ZSWIM4: variants seen among roughly 807,000 people sequenced by gnomAD.
ZSWIM4 encodes the protein zinc finger SWIM domain-containing protein 4.
Under a neutral mutation model 102.5 loss-of-function variants are expected in ZSWIM4, and 62 were observed. The ratio of observed to expected loss-of-function variants is 0.60; its 90% confidence interval spans 0.49 to 0.75. The LOEUF (loss-of-function observed/expected upper bound fraction) is 0.75. Ranked by LOEUF, ZSWIM4 falls within the 30% of genes least tolerant of loss-of-function variation. The probability of loss-of-function intolerance (pLI) is 0.00; values close to 1 mark genes in which losing one functional copy is unlikely to be tolerated. For missense variants in ZSWIM4, 1,280 were observed against 1,529.6 expected (o/e 0.84, Z 2.72); for synonymous variants, 652 against 674.5 (o/e 0.97, Z 0.52).
chr19:13,807,520 TAAATGGATGAATGAAC>T lies in ZSWIM4; in HGVS notation c.713-1301_713-1286del, dbSNP rs537491128. ...TAGATGAATGGATTGGATGGGTAAG[TAAATGGATGAATGAAC>T]AAATGGATGAATGAGCTCCTGGTGT... On this transcript the variant is annotated intron_variant, in intron 3 of 13. Coordinates refer to ENST00000590508, the MANE Select transcript of ZSWIM4 (RefSeq NM_001367834.3). Among the ~76,000 whole-genome samples the T allele has an allele frequency of 5.5e-3, 830 of 151,702 alleles. 3 individuals carry two copies. The highest frequency in any genetic ancestry group is 7.6e-3 in the Non-Finnish European group (514 of 67,876).
In ZSWIM4 at chr19:13,825,651, A is replaced by AC; in HGVS notation, c.2321dup (p.Val775GlyfsTer391). The AC allele has an allele frequency of 6.2e-7, 1 of 1,613,594 alleles. No homozygotes were observed. The highest frequency in any genetic ancestry group is 8.5e-7 in the Non-Finnish European group (1 of 1,179,994). On this transcript the variant is annotated frameshift_variant, in exon 12 of 14. Transcript: ENST00000590508. LOFTEE classifies it high-confidence loss of function. This position sits in a 1 kb window ranked among gnomAD's most constrained non-coding sequence, Gnocchi z 4.6. ...GGCGCAGGACGCCTGCAAGACAGCC[A>AC]CCCCGGTCAGCGCCCCACCAGACAC...
Position 13,823,360 on chromosome 19 carries a change from A to T in ZSWIM4, c.2075A>T (p.Glu692Val). Residue 692 changes from glutamate (E) to valine (V), a missense_variant, in exon 11 of 14, where the codon GAG becomes GTG. By Grantham distance (121) the Glu-to-Val change is moderately radical (BLOSUM62 -2). Transcript: ENST00000590508. ...ALRAMRLPIL[E>V]TAFPAGEPHP... ...CCCTTACCCAGGCTGCCCATACTGG[A>T]GACAGCATTTCCTGCTGGAGAACCT... 1 of 1,613,884 alleles carries T rather than the reference A, an allele frequency of 6.2e-7. No individual in the cohort carries two copies. Among genetic ancestry groups the T allele is most frequent in the Non-Finnish European group, 8.5e-7 (1 of 1,179,910 alleles).
At chr19:13,824,291 G>A (rs1421909692) in intron 11 of ZSWIM4, among the ~76,000 whole-genome samples, 1 of 152,204 alleles carries the variant, frequency 6.6e-6, no homozygotes, top group African/African-American at 2.4e-5. Context: ...GCTGGGCACG[G>A]TAGCTCATGC....
chr19:13,832,234 A>G lies in ZSWIM4; in HGVS notation c.*1184A>G, dbSNP rs1975789278. ...CCCTCAACCTCGTTTCCTCCGCAAAAAAAAAAAAAAAAAAAAAAAATGTCT... is the reference window on the plus strand; with the variant it reads ...CCCTCAACCTCGTTTCCTCCGCAAAGAAAAAAAAAAAAAAAAAAAATGTCT... On this transcript the variant is annotated 3_prime_UTR_variant, in exon 14 of 14. Transcript: ENST00000590508. The G allele has an allele frequency of 4.0e-5, 6 of 149,164 alleles. No individual in the cohort carries two copies. The South Asian group carries it at 1.1e-3, about 26-fold the overall frequency. 9.2% of individuals were successfully genotyped at this position (149,164 alleles called of 1,614,324 possible). A position where few individuals can be genotyped will look rare whatever the true frequency, so the allele number is the denominator to read the frequency against.
At chr19:13,806,819 T>C (rs1257570953) in intron 3 of ZSWIM4, among the ~76,000 whole-genome samples, 1 of 151,778 alleles carries the variant, frequency 6.6e-6, no homozygotes, top group African/African-American at 2.4e-5. Context: ...ATCCAATGGG[T>C]ACATGCATTG....
chr19:13,820,081 A>G (rs1031643544), intron 10 of ZSWIM4, among the ~76,000 whole-genome samples: 9 of 151,372 alleles, frequency 5.9e-5, no homozygotes, highest in African/African-American at 2.2e-4. Flanking sequence ...TGTATTTTTA[A>G]TAGAGACAGG....
At position 13,814,465 on chromosome 19, in the gene ZSWIM4, C is replaced by G. The variant is rs1433564672; in HGVS notation, c.1181-50C>G. 1.7e-5 allele frequency: 18 copies of G among 1,055,482 alleles called. No homozygotes were observed. In the East Asian group the frequency reaches 1.4e-3, roughly 83 times the overall value. 65.4% of individuals were successfully genotyped at this position (1,055,482 alleles called of 1,614,324 possible). A position where few individuals can be genotyped will look rare whatever the true frequency, so the allele number is the denominator to read the frequency against. ...GTGGGAAAAGCTGGACACGGCTCAACTGCTATAGGGACCCCCCCTCACTGA... is the reference window on the plus strand; with the variant it reads ...GTGGGAAAAGCTGGACACGGCTCAAGTGCTATAGGGACCCCCCCTCACTGA... On this transcript the variant is annotated intron_variant, in intron 6 of 13. Transcript: ENST00000590508.
chr19:13,817,714 T>TC lies in ZSWIM4; in HGVS notation c.1670-3dup. The TC allele has an allele frequency of 6.2e-7, 1 of 1,607,356 alleles. No individual in the cohort carries two copies. The highest frequency in any genetic ancestry group is 1.3e-5 in the African/African-American group (1 of 74,966). ...CGTCTCCAGCAGCCCTGGCCCTGTC[T>TC]CCCCCAGACTCAGGCCCCGAGAAGC... On this transcript the variant is annotated splice_polypyrimidine_tract_variant and splice_region_variant and intron_variant, in intron 8 of 13. Transcript: ENST00000590508.
chr19:13,820,911 A>C (rs1431084661), intron 10 of ZSWIM4, among the ~76,000 whole-genome samples: 1 of 146,392 alleles, frequency 6.8e-6, no homozygotes. Flanking sequence ...GCAATTTCCA[A>C]AAAAAAAAAA....
chr19:13,826,652 C>G (rs1422745036), intron 12 of ZSWIM4, among the ~76,000 whole-genome samples: 1 of 152,148 alleles, frequency 6.6e-6, no homozygotes, highest in Admixed American at 6.5e-5. Context: ...GTAATCCCAG[C>G]TACTCGGGAG....
In ZSWIM4 at chr19:13,808,971, C is replaced by G. The variant is rs767199789; in HGVS notation, c.848C>G (p.Ser283Cys). The G allele has an allele frequency of 6.2e-7, 1 of 1,611,038 alleles. No homozygotes were observed. Among genetic ancestry groups the G allele is most frequent in the South Asian group, 1.1e-5 (1 of 90,768 alleles). The change falls in exon 4 of 14, where the codon TCC becomes TGC. Residue 283 changes from serine to cysteine, a missense_variant. By Grantham distance (112) the Ser-to-Cys change is moderately radical (BLOSUM62 -1). Transcript: ENST00000590508. ...TACGGGGCCAGCCAGCAGCTGCGCT[C>G]CATGTTCAGCAAGGTGCCGTGCGGG... ...GYYGASQQLR[S>C]MFSKVREMLR...
intron 1 of ZSWIM4, among the ~76,000 whole-genome samples, chr19:13,798,549 G>A (rs768244333): frequency 6.6e-6 from 1 of 152,228 alleles, no homozygotes; most frequent in Non-Finnish European, 1.5e-5. Flanking sequence ...CAGCTAGGAG[G>A]ATCCAGGAGG....
At chr19:13,799,579 T>G in intron 1 of ZSWIM4, 141 bp from the exon 2 acceptor site, 1 of 836,734 alleles carries the variant, frequency 1.2e-6, no homozygotes, top group Non-Finnish European at 1.9e-6. Context: ...CCCGGCCAGT[T>G]TTTTTGTAAA....
chr19:13,831,233 C>A lies in ZSWIM4; in HGVS notation c.*183C>A. On this transcript the variant is annotated 3_prime_UTR_variant, in exon 14 of 14. Coordinates refer to ENST00000590508, the MANE Select transcript of ZSWIM4 (RefSeq NM_001367834.3). The stretch of plus-strand genomic sequence containing the variant: ...GCCTGGGAGTCTGTGAGCAAGTGTG[C>A]AAGACTCCAGAAGCAGAAGCCATAC... 1 of 753,498 alleles carries A rather than the reference C, an allele frequency of 1.3e-6. No homozygotes were observed. Among genetic ancestry groups the A allele is most frequent in the Non-Finnish European group, 2.0e-6 (1 of 490,958 alleles). The allele number at this position is 753,498 out of a possible 1,614,324, so 46.7% of individuals were successfully genotyped here. A position where few individuals can be genotyped will look rare whatever the true frequency, so the allele number is the denominator to read the frequency against.
intron 5 of ZSWIM4, among the ~76,000 whole-genome samples, chr19:13,810,983 G>A (rs1250738108): frequency 7.3e-5 from 9 of 122,802 alleles, no homozygotes; most frequent in South Asian, 2.7e-4. Context: ...GCACGATCTC[G>A]GCTCACTGCA....
intron 11 of ZSWIM4, 62 bp downstream of exon 11, chr19:13,823,562 C>T: frequency 6.6e-7 from 1 of 1,522,706 alleles, no homozygotes; most frequent in Non-Finnish European, 8.9e-7. Flanking sequence ...TTCTTCCTTC[C>T]CTCTTAACTT....
chr19:13,805,270 G>A lies in ZSWIM4; in HGVS notation c.712+122G>A, dbSNP rs183039713. 5.5e-5 allele frequency: 48 copies of A among 864,990 alleles called. No individual in the cohort carries two copies. In the East Asian group the frequency reaches 1.1e-3, roughly 19 times the overall value. 53.6% of individuals were successfully genotyped at this position (864,990 alleles called of 1,614,324 possible). A position where few individuals can be genotyped will look rare whatever the true frequency, so the allele number is the denominator to read the frequency against. ...GTTGTGGGGGCGGGGGGCGGAAAACGCGCCATGGCCTGCATCATCTGAGGT... is the reference window on the plus strand; with the variant it reads ...GTTGTGGGGGCGGGGGGCGGAAAACACGCCATGGCCTGCATCATCTGAGGT... On this transcript the variant is annotated intron_variant, in intron 3 of 13. Transcript: ENST00000590508.
In ZSWIM4 at chr19:13,814,615, G is replaced by T; in HGVS notation, c.1281G>T (p.Leu427=). 1 of 1,247,250 alleles carries T rather than the reference G, an allele frequency of 8.0e-7. No individual in the cohort carries two copies. Among genetic ancestry groups the T allele is most frequent in the Non-Finnish European group, 1.0e-6 (1 of 960,282 alleles). The allele number at this position is 1,247,250 out of a possible 1,614,324, so 77.3% of individuals were successfully genotyped here. The change falls in exon 7 of 14, where the codon CTG becomes CTT. Residue 427 remains leucine (L), a synonymous_variant. Transcript: ENST00000590508. The part of the protein sequence containing the change: ...AGELHWNDAY[L]QRILASDSYG... ...AGCTACACTGGAATGACGCCTACCTGCAGAGGATCCTGGCCAGTGACTCCT... is the reference window on the plus strand; with the variant it reads ...AGCTACACTGGAATGACGCCTACCTTCAGAGGATCCTGGCCAGTGACTCCT...
rs181751370 is a variant in ZSWIM4, at chr19:13,831,039, C to T, written c.3310C>T (p.Arg1104Cys). Residue 1104 changes from arginine (R) to cysteine (C), a missense_variant, in exon 14 of 14, where the codon CGT becomes TGT. By Grantham distance (180) the Arg-to-Cys change is radical (BLOSUM62 -3). Transcript: ENST00000590508. ...GAAACTCATGCTTTTGGTGCGGGAG[C>T]GTTTTGGTTGAGGGACAGTGGGGTG... Reference protein sequence around the residue: ...KKKLMLLVRERFG With the variant: ...KKKLMLLVRECFG 1.4e-5 allele frequency: 23 copies of T among 1,588,734 alleles called. No individual in the cohort carries two copies. In the East Asian group the frequency reaches 4.3e-4, roughly 29 times the overall value.
Sources: allele counts gnomAD v4.1 joint callset (sites outside exome capture counted in the v4.1 genomes callset), GRCh38; gene constraint gnomAD v4.1.1; non-coding constraint Gnocchi (gnomAD v3.1); transcripts MANE v1.5; gene names NCBI Gene and HGNC (gene_info 2026-07-23, HGNC 2026-07-21).